The following CORIN variants were observed in gnomAD, a reference collection of about 807,000 sequenced individuals.
The protein encoded by CORIN is atrial natriuretic peptide-converting enzyme.
A neutral mutation model predicts 125.3 loss-of-function variants in CORIN; 117 were observed. The ratio of observed to expected loss-of-function variants is 0.93; its 90% CI spans 0.80 to 1.09. CORIN has a LOEUF of 1.09. Among genes scored for constraint, CORIN ranks in the 50% least tolerant of loss-of-function variants. The pLI, the probability that CORIN is intolerant of heterozygous loss-of-function variation, is 0.00. For synonymous variants in CORIN, 450 were observed against 466.4 expected (o/e 0.96, Z 0.45); for missense variants, 1,253 against 1,306.7 (o/e 0.96, Z 0.63).
intron 10 of CORIN, among the ~76,000 whole-genome samples, chr4:47,669,174 C>T (rs187830091): frequency 6.6e-6 from 1 of 152,222 alleles, no homozygotes; most frequent in Non-Finnish European, 1.5e-5. Flanking sequence ...CTGATGGAAT[C>T]TCAATGGTAT....
chr4:47,596,327 A>G (rs1487598327), intron 21 of CORIN, among the ~76,000 whole-genome samples: 1 of 152,176 alleles, frequency 6.6e-6, no homozygotes, highest in East Asian at 1.9e-4. Flanking sequence ...TACTGCAAAC[A>G]TATTCTAAAA....
rs956601731 is a variant in CORIN at position 47,706,391 on chromosome 4, T to C, written c.800-13308A>G. 2.1e-5 allele frequency: 34 copies of C among 1,608,214 alleles called. No homozygotes were observed. The African/African-American group carries it at 4.3e-4, about 20-fold the overall frequency. On this transcript the variant is annotated intron_variant, in intron 5 of 21. Transcript: ENST00000273857. Reference sequence around the variant, plus strand: ...GCCAAGATGGGTGCATACAAGTATATCCAGGAGCTATGGAGAAAGAAGCAG... The same window carrying C: ...GCCAAGATGGGTGCATACAAGTATACCCAGGAGCTATGGAGAAAGAAGCAG...
At chr4:47,806,774 C>T (rs533470164) in intron 2 of CORIN, 129 bp downstream of exon 2, 26 of 915,914 alleles carry the variant, frequency 2.8e-5, no homozygotes, top group Admixed American at 6.7e-5. Context: ...ATTTGCATAA[C>T]GTCATCAAAA....
intron 3 of CORIN, among the ~76,000 whole-genome samples, chr4:47,769,730 A>T (rs929589198): frequency 6.6e-6 from 1 of 152,142 alleles, no homozygotes; most frequent in African/African-American, 2.4e-5. Flanking sequence ...TGACCAATTG[A>T]TTTTCAACAA....
At chr4:47,717,472 C>T (rs1453615032) in intron 5 of CORIN, among the ~76,000 whole-genome samples, 1 of 152,108 alleles carries the variant, frequency 6.6e-6, no homozygotes, top group African/African-American at 2.4e-5. Context: ...TTTGATTCAC[C>T]GTCCCCAATC....
At chr4:47,724,469 T>C (rs1334707376) in intron 5 of CORIN, among the ~76,000 whole-genome samples, 1 of 152,070 alleles carries the variant, frequency 6.6e-6, no homozygotes, top group Non-Finnish European at 1.5e-5. Context: ...AGAAGAAAAG[T>C]TTGAAAATTT....
intron 6 of CORIN, among the ~76,000 whole-genome samples, chr4:47,688,188 G>A (rs1235892725): frequency 6.6e-6 from 1 of 152,142 alleles, no homozygotes; most frequent in African/African-American, 2.4e-5. Context: ...ACGCAATCCA[G>A]CTTCTAGTAA....
chr4:47,669,350 G>A (rs1446173545), intron 10 of CORIN, among the ~76,000 whole-genome samples: 1 of 151,982 alleles, frequency 6.6e-6, no homozygotes, highest in African/African-American at 2.4e-5. Context: ...ACATCTAGCT[G>A]CGTATATAAT....
At chr4:47,629,922 A>G (rs1466673127) in intron 16 of CORIN, among the ~76,000 whole-genome samples, 1 of 152,112 alleles carries the variant, frequency 6.6e-6, no homozygotes, top group East Asian at 1.9e-4. Context: ...AAGGCACAAA[A>G]CAAGCAGACG....
At chr4:47,632,247 C>T (rs28549266) in intron 16 of CORIN, 39,764 of 152,066 alleles carry the variant, frequency 0.26, 5,428 homozygotes, top group Admixed American at 0.36. Context: ...GGTTTGTCCT[C>T]TTCCATCTAT....
At chr4:47,793,864 G>A (rs1284268657) in intron 2 of CORIN, among the ~76,000 whole-genome samples, 1 of 152,090 alleles carries the variant, frequency 6.6e-6, no homozygotes, top group African/African-American at 2.4e-5. Flanking sequence ...GTTTGGAGTG[G>A]GGACTGAGAT....
At chr4:47,672,643 T>TAC (rs1724811121) in intron 10 of CORIN, among the ~76,000 whole-genome samples, 1 of 152,072 alleles carries the variant, frequency 6.6e-6, no homozygotes, top group Non-Finnish European at 1.5e-5. Flanking sequence ...TGTATATATA[T>TAC]ACACACATAT....
At chr4:47,641,563 A>ACCTTCCCTCCACTATTGTCCTAT (rs1363964270) in intron 16 of CORIN, among the ~76,000 whole-genome samples, 1 of 150,998 alleles carries the variant, frequency 6.6e-6, no homozygotes, top group Non-Finnish European at 1.5e-5. Context: ...GTGTTGCTTA[A>ACCTTCCCTCCACTATTGTCCTAT]GAAGAAATTT....
intron 15 of CORIN, 60 bp downstream of exon 15, chr4:47,643,086 C>T (rs1484802117): frequency 6.2e-7 from 1 of 1,612,958 alleles, no homozygotes; most frequent in Non-Finnish European, 8.5e-7. Context: ...AGGATCCATT[C>T]AGCTTCAGTG....
At chr4:47,706,486 G>C in intron 5 of CORIN, 1 of 1,611,516 alleles carries the variant, frequency 6.2e-7, no homozygotes, top group African/African-American at 1.3e-5. Flanking sequence ...TCTTCACAGG[G>C]CTCCCCGCCC....
At chr4:47,818,088 T>C (rs1331858568) in intron 1 of CORIN, among the ~76,000 whole-genome samples, 2 of 152,260 alleles carry the variant, frequency 1.3e-5, no homozygotes, top group Non-Finnish European at 2.9e-5. Flanking sequence ...CAAAGGCCTG[T>C]GCATTAAACA....
chr4:47,683,542 G>A (rs753386254), intron 7 of CORIN, 189 bp downstream of exon 7: 1 of 474,652 alleles, frequency 2.1e-6, no homozygotes, highest in African/African-American at 2.0e-5. Flanking sequence ...GATTTTTTAG[G>A]TATTACATTT....
intron 19 of CORIN, among the ~76,000 whole-genome samples, chr4:47,614,344 C>T (rs1007265736): frequency 4.6e-5 from 7 of 152,062 alleles, no homozygotes; most frequent in Admixed American, 3.9e-4. Context: ...TACAGGAGCC[C>T]ACCACCATGC....
intron 5 of CORIN, among the ~76,000 whole-genome samples, chr4:47,706,195 C>T (rs1020055717): frequency 6.6e-6 from 1 of 152,184 alleles, no homozygotes; most frequent in Non-Finnish European, 1.5e-5. Flanking sequence ...CATTACAAAT[C>T]CCTGTTAGAA....
Sources: allele counts gnomAD v4.1 joint callset (sites outside exome capture counted in the v4.1 genomes callset), GRCh38; gene constraint gnomAD v4.1.1; transcripts MANE v1.5; gene names NCBI Gene and HGNC (gene_info 2026-07-23, HGNC 2026-07-21).